C11orf87: variants seen among roughly 807,000 people sequenced by gnomAD.
The protein encoded by C11orf87 is uncharacterized protein C11orf87.
In C11orf87, 3 loss-of-function variants were observed where a neutral mutation model predicts 9.2. The observed-to-expected ratio is 0.33, with a 90% CI of 0.15 to 0.84. The LOEUF (loss-of-function observed/expected upper bound fraction) is 0.84, where lower values mean the gene tolerates loss of function less well. Among genes scored for constraint, C11orf87 ranks in the 40% least tolerant of loss-of-function variants. C11orf87 has a pLI of 0.55. For synonymous variants in C11orf87, 124 were observed against 124.6 expected, an observed-to-expected ratio of 1.00 and a Z score of 0.03; for missense variants, 256 against 270.7, an observed-to-expected ratio of 0.95 and a Z score of 0.38.
rs1156467832 is a variant in C11orf87, at chr11:109,429,082, G to A, written c.*4855G>A. The A allele has an allele frequency of 1.3e-5, 2 of 152,080 alleles. No homozygotes were observed. Among genetic ancestry groups the A allele is most frequent in the East Asian group, 3.8e-4 (2 of 5,200 alleles). The allele number at this position is 152,080 out of a possible 1,614,324, so 9.4% of individuals were successfully genotyped here. On this transcript the variant is annotated 3_prime_UTR_variant, in exon 2 of 2. Coordinates refer to ENST00000327419, the MANE Select transcript of C11orf87 (RefSeq NM_207645.4). ...TTAGAATTCATGGAAATTTTGTTTT[G>A]CTTTTCTATCAATAAAAGAGTTTTC...
Position 109,423,209 on chromosome 11 carries a change from T to G in C11orf87, c.-259-166T>G, listed in dbSNP as rs972185477. 5.3e-5 allele frequency among the ~76,000 whole-genome samples: 8 copies of G among 152,178 alleles called. No individual in the cohort carries two copies. The highest frequency in any genetic ancestry group is 1.2e-4 in the Non-Finnish European group (8 of 68,020). The stretch of plus-strand genomic sequence containing the variant: ...ATGAGCAGGCTGCTGGTGGCTCTGG[T>G]GCACGGCCACGGGCCGGCAGGCTGG... On this transcript the variant is annotated intron_variant, in intron 1 of 1. Coordinates refer to ENST00000327419, the MANE Select transcript of C11orf87 (RefSeq NM_207645.4). The surrounding 1 kb of genome is among the most constrained non-coding windows in gnomAD (Gnocchi z 5.3).
In C11orf87 at chr11:109,424,057, G is replaced by A. The variant is rs199870805; in HGVS notation, c.424G>A (p.Ala142Thr). 6.2e-7 allele frequency: 1 copy of A among 1,613,840 alleles called. No homozygotes were observed. Among genetic ancestry groups the A allele is most frequent in the Admixed American group, 1.7e-5 (1 of 60,032 alleles). ...ERQPRDSPFC[A>T]PSNASSLSSS... ...GCAGCCCCGGGACTCTCCCTTCTGC[G>A]CCCCTTCCAACGCCTCGTCGTTGTC... The change falls in exon 2 of 2, where the codon GCC becomes ACC. Residue 142 changes from alanine to threonine, a missense_variant. By Grantham distance (58) the Ala-to-Thr change is moderately conservative (BLOSUM62 0). Coordinates refer to ENST00000327419, the MANE Select transcript of C11orf87 (RefSeq NM_207645.4). The surrounding 1 kb of genome is among the most constrained non-coding windows in gnomAD (Gnocchi z 4.7).
At position 109,423,540 on chromosome 11, in the gene C11orf87, G is replaced by T. The variant is rs984992105; in HGVS notation, c.-94G>T. 1.2e-5 allele frequency: 16 copies of T among 1,297,158 alleles called. No individual in the cohort carries two copies. Among genetic ancestry groups the T allele is most frequent in the Admixed American group, 5.5e-5 (2 of 36,316 alleles). 80.4% of individuals were successfully genotyped at this position (1,297,158 alleles called of 1,614,324 possible). A position where few individuals can be genotyped will look rare whatever the true frequency, so the allele number is the denominator to read the frequency against. ...CCCTCCCGCTACAGGGAGCAGTTTT[G>T]GGTGGCGTGGGCTCCGTCCTCTTCT... On this transcript the variant is annotated 5_prime_UTR_variant, in exon 2 of 2. Transcript: ENST00000327419. The surrounding 1 kb of genome is among the most constrained non-coding windows in gnomAD (Gnocchi z 5.3).
At position 109,423,375 on chromosome 11, in the gene C11orf87, C is replaced by G. The variant is rs1860521124; in HGVS notation, c.-259C>G. On this transcript the variant is annotated splice_region_variant and 5_prime_UTR_variant, in exon 2 of 2. Coordinates refer to ENST00000327419, the MANE Select transcript of C11orf87 (RefSeq NM_207645.4). This position sits in a 1 kb window ranked among gnomAD's most constrained non-coding sequence, Gnocchi z 5.3. ...CTAACTAAGCTTTGTGTCTTTGCAGCCTGGTGCCTCTGCAAAGGAAAGGGG... is the reference window on the plus strand; with the variant it reads ...CTAACTAAGCTTTGTGTCTTTGCAGGCTGGTGCCTCTGCAAAGGAAAGGGG... 2 of 556,270 alleles carry G rather than the reference C, an allele frequency of 3.6e-6. No homozygotes were observed. Among genetic ancestry groups the G allele is most frequent in the Admixed American group, 3.5e-5 (1 of 28,578 alleles). The allele number at this position is 556,270 out of a possible 1,614,324, so 34.5% of individuals were successfully genotyped here.
chr11:109,428,662 C>T lies in C11orf87; in HGVS notation c.*4435C>T, dbSNP rs1030191688. On this transcript the variant is annotated 3_prime_UTR_variant, in exon 2 of 2. Transcript: ENST00000327419. ...TTGTGATTGTAACTCACAGATGTTT[C>T]AGTTCATATTAGAATAAATTGCCCA... 1.3e-5 allele frequency: 2 copies of T among 152,124 alleles called. No individual in the cohort carries two copies. Among genetic ancestry groups the T allele is most frequent in the Non-Finnish European group, 2.9e-5 (2 of 67,996 alleles). The allele number at this position is 152,124 out of a possible 1,614,324, so 9.4% of individuals were successfully genotyped here. A position where few individuals can be genotyped will look rare whatever the true frequency, so the allele number is the denominator to read the frequency against.
In C11orf87 at chr11:109,423,189, C is replaced by A. The variant is rs1055229091; in HGVS notation, c.-259-186C>A. ...ACCCCATCCTGTCGAGTGGCATGAGCAGGCTGCTGGTGGCTCTGGTGCACG... is the reference window on the plus strand; with the variant it reads ...ACCCCATCCTGTCGAGTGGCATGAGAAGGCTGCTGGTGGCTCTGGTGCACG... On this transcript the variant is annotated intron_variant, in intron 1 of 1. Coordinates refer to ENST00000327419, the MANE Select transcript of C11orf87 (RefSeq NM_207645.4). This position sits in a 1 kb window ranked among gnomAD's most constrained non-coding sequence, Gnocchi z 5.3. Among the ~76,000 whole-genome samples the A allele has an allele frequency of 6.6e-6, 1 of 152,202 alleles. No individual in the cohort carries two copies. Among genetic ancestry groups the A allele is most frequent in the East Asian group, 1.9e-4 (1 of 5,180 alleles).
rs779890093 is a variant in C11orf87 at position 109,424,077 on chromosome 11, G to T, written c.444G>T (p.Ser148=). Reference sequence around the variant, plus strand: ...TCTGCGCCCCTTCCAACGCCTCGTCGTTGTCCTCTTCGTCCCCTGGCCTCC... The same window carrying T: ...TCTGCGCCCCTTCCAACGCCTCGTCTTTGTCCTCTTCGTCCCCTGGCCTCC... ...SPFCAPSNAS[S]LSSSSPGLPC... Residue 148 remains serine, a synonymous_variant, in exon 2 of 2, where the codon TCG becomes TCT. Coordinates refer to ENST00000327419, the MANE Select transcript of C11orf87 (RefSeq NM_207645.4). The surrounding 1 kb of genome is among the most constrained non-coding windows in gnomAD (Gnocchi z 4.7). 11 of 1,613,876 alleles carry T rather than the reference G, an allele frequency of 6.8e-6. No homozygotes were observed. Among genetic ancestry groups the T allele is most frequent in the Non-Finnish European group, 6.8e-6 (8 of 1,180,006 alleles).
In C11orf87 at chr11:109,423,371, G is replaced by A. The variant is rs1860521086; in HGVS notation, c.-259-4G>A. 1 of 548,252 alleles carries A rather than the reference G, an allele frequency of 1.8e-6. No homozygotes were observed. The allele number at this position is 548,252 out of a possible 1,614,324, so 34.0% of individuals were successfully genotyped here. A position where few individuals can be genotyped will look rare whatever the true frequency, so the allele number is the denominator to read the frequency against. On this transcript the variant is annotated splice_polypyrimidine_tract_variant and splice_region_variant and intron_variant, in intron 1 of 1. Coordinates refer to ENST00000327419, the MANE Select transcript of C11orf87 (RefSeq NM_207645.4). This position sits in a 1 kb window ranked among gnomAD's most constrained non-coding sequence, Gnocchi z 5.3. ...GATTCTAACTAAGCTTTGTGTCTTT[G>A]CAGCCTGGTGCCTCTGCAAAGGAAA...
Position 109,423,023 on chromosome 11 carries a change from A to G in C11orf87, c.-259-352A>G, listed in dbSNP as rs1173045946. On this transcript the variant is annotated intron_variant, in intron 1 of 1. Transcript: ENST00000327419. This position sits in a 1 kb window ranked among gnomAD's most constrained non-coding sequence, Gnocchi z 5.3. ...GAAGACATCAACCGAGAGGGCGCAG[A>G]AAAGAGGAGAGCCGGCGCTCTGGGA... Among the ~76,000 whole-genome samples the G allele has an allele frequency of 1.3e-5, 2 of 152,074 alleles. No individual in the cohort carries two copies. Among genetic ancestry groups the G allele is most frequent in the Non-Finnish European group, 2.9e-5 (2 of 68,002 alleles).
chr11:109,423,320 A>T lies in C11orf87; in HGVS notation c.-259-55A>T. On this transcript the variant is annotated intron_variant, in intron 1 of 1. Transcript: ENST00000327419. This position sits in a 1 kb window ranked among gnomAD's most constrained non-coding sequence, Gnocchi z 5.3. Reference sequence around the variant, plus strand: ...TTGCGGTGGTGGTTGATCTTTCCCGACAGCACTCCCCTGGGCAGCGGCCGA... The same window carrying T: ...TTGCGGTGGTGGTTGATCTTTCCCGTCAGCACTCCCCTGGGCAGCGGCCGA... 1 of 429,126 alleles carries T rather than the reference A, an allele frequency of 2.3e-6. No individual in the cohort carries two copies. Among genetic ancestry groups the T allele is most frequent in the Non-Finnish European group, 4.2e-6 (1 of 240,228 alleles). The allele number at this position is 429,126 out of a possible 1,614,324, so 26.6% of individuals were successfully genotyped here. A position where few individuals can be genotyped will look rare whatever the true frequency, so the allele number is the denominator to read the frequency against.
intron 1 of C11orf87, among the ~76,000 whole-genome samples, chr11:109,422,946 C>T (rs1323021414): frequency 6.6e-6 from 1 of 151,634 alleles, no homozygotes. Flanking sequence ...ACTGCGTACC[C>T]GGAGCCCGCG....
In C11orf87 at chr11:109,426,615, G is replaced by C. The variant is rs1860575714; in HGVS notation, c.*2388G>C. Reference sequence around the variant, plus strand: ...TCACTTCCTAGTAATAGGTAAAAGAGTGCATTAACTCCCTCAGGCCACTAG... The same window carrying C: ...TCACTTCCTAGTAATAGGTAAAAGACTGCATTAACTCCCTCAGGCCACTAG... On this transcript the variant is annotated 3_prime_UTR_variant, in exon 2 of 2. Transcript: ENST00000327419. The C allele has an allele frequency of 6.6e-6, 1 of 152,162 alleles. No individual in the cohort carries two copies. Among genetic ancestry groups the C allele is most frequent in the Non-Finnish European group, 1.5e-5 (1 of 68,042 alleles). The allele number at this position is 152,162 out of a possible 1,614,324, so 9.4% of individuals were successfully genotyped here.
Position 109,423,035 on chromosome 11 carries a change from C to T in C11orf87, c.-259-340C>T, listed in dbSNP as rs367552834. Among the ~76,000 whole-genome samples, 1 of 152,046 alleles carries T rather than the reference C, an allele frequency of 6.6e-6. No homozygotes were observed. Among genetic ancestry groups the T allele is most frequent in the African/African-American group, 2.4e-5 (1 of 41,404 alleles). On this transcript the variant is annotated intron_variant, in intron 1 of 1. Coordinates refer to ENST00000327419, the MANE Select transcript of C11orf87 (RefSeq NM_207645.4). This position sits in a 1 kb window ranked among gnomAD's most constrained non-coding sequence, Gnocchi z 5.3. The stretch of plus-strand genomic sequence containing the variant: ...CGAGAGGGCGCAGAAAAGAGGAGAG[C>T]CGGCGCTCTGGGAAGTAGGGACTTC...
At position 109,426,238 on chromosome 11, in the gene C11orf87, G is replaced by C. The variant is rs559764380; in HGVS notation, c.*2011G>C. 2 of 152,292 alleles carry C rather than the reference G, an allele frequency of 1.3e-5. No individual in the cohort carries two copies. The highest frequency in any genetic ancestry group is 1.9e-4 in the East Asian group (1 of 5,172). 9.4% of individuals were successfully genotyped at this position (152,292 alleles called of 1,614,324 possible). A position where few individuals can be genotyped will look rare whatever the true frequency, so the allele number is the denominator to read the frequency against. The stretch of plus-strand genomic sequence containing the variant: ...AGTGATCTGCAAAAAGCTCTACCAA[G>C]AGAGTCCTTACTATCCTGCAGGGTG... On this transcript the variant is annotated 3_prime_UTR_variant, in exon 2 of 2. Transcript: ENST00000327419.
At chr11:109,422,653 G>A (rs911673356) in intron 1 of C11orf87, among the ~76,000 whole-genome samples, 1 of 151,986 alleles carries the variant, frequency 6.6e-6, no homozygotes, top group Non-Finnish European at 1.5e-5. Context: ...GCCAAGTTGG[G>A]GGCACAGGGA....
Position 109,424,019 on chromosome 11 carries a change from C to T in C11orf87, c.386C>T (p.Thr129Ile). The T allele has an allele frequency of 6.2e-7, 1 of 1,614,012 alleles. No homozygotes were observed. Among genetic ancestry groups the T allele is most frequent in the Non-Finnish European group, 8.5e-7 (1 of 1,179,996 alleles). ...GRQAPTHAKE[T>I]RLERQPRDSP... ...CAGGCCCCAACCCACGCAAAGGAAACCCGGCTGGAGAGGCAGCCCCGGGAC... is the reference window on the plus strand; with the variant it reads ...CAGGCCCCAACCCACGCAAAGGAAATCCGGCTGGAGAGGCAGCCCCGGGAC... The change falls in exon 2 of 2, where the codon ACC becomes ATC. Residue 129 changes from threonine (T) to isoleucine (I), a missense_variant. Coordinates refer to ENST00000327419, the MANE Select transcript of C11orf87 (RefSeq NM_207645.4). This position sits in a 1 kb window ranked among gnomAD's most constrained non-coding sequence, Gnocchi z 4.7.
chr11:109,423,608 G>C lies in C11orf87; in HGVS notation c.-26G>C. ...GTGCCCAAGAGGGGAAGCCTAGTGG[G>C]CCTGGCCCCTCCCAGCCCCGCGCCA... is the stretch of plus-strand genomic sequence containing the variant. On this transcript the variant is annotated 5_prime_UTR_variant, in exon 2 of 2. Transcript: ENST00000327419. This position sits in a 1 kb window ranked among gnomAD's most constrained non-coding sequence, Gnocchi z 5.3. The C allele has an allele frequency of 6.4e-7, 1 of 1,569,082 alleles. No individual in the cohort carries two copies. The highest frequency in any genetic ancestry group is 1.4e-5 in the African/African-American group (1 of 74,002).
Position 109,423,440 on chromosome 11 carries a change from C to T in C11orf87, c.-194C>T. 2 of 597,082 alleles carry T rather than the reference C, an allele frequency of 3.3e-6. No individual in the cohort carries two copies. The highest frequency in any genetic ancestry group is 6.1e-5 in the Admixed American group (2 of 32,532). The allele number at this position is 597,082 out of a possible 1,614,324, so 37.0% of individuals were successfully genotyped here. ...TTCGAGGTGGTATCGGCGAGGATCT[C>T]TCGGGCGCCGCTCACTCCTTGGTCG... On this transcript the variant is annotated 5_prime_UTR_variant, in exon 2 of 2. Transcript: ENST00000327419. This position sits in a 1 kb window ranked among gnomAD's most constrained non-coding sequence, Gnocchi z 5.3.
rs1355316437 is a variant in C11orf87 at position 109,428,444 on chromosome 11, A to G, written c.*4217A>G. On this transcript the variant is annotated 3_prime_UTR_variant, in exon 2 of 2. Coordinates refer to ENST00000327419, the MANE Select transcript of C11orf87 (RefSeq NM_207645.4). ...ATTTTTATTTTTTTATCATGTAGAC[A>G]TATGCTTTCATGCTTTTCTGTGGGT... 4 of 149,636 alleles carry G rather than the reference A, an allele frequency of 2.7e-5. No homozygotes were observed. Among genetic ancestry groups the G allele is most frequent in the Admixed American group, 2.6e-4 (4 of 15,206 alleles). The allele number at this position is 149,636 out of a possible 1,614,324, so 9.3% of individuals were successfully genotyped here. A position where few individuals can be genotyped will look rare whatever the true frequency, so the allele number is the denominator to read the frequency against.
Sources: gnomAD v4.1 joint callset for allele counts (sites outside exome capture counted in the v4.1 genomes callset) on GRCh38, gnomAD v4.1.1 for gene constraint, Gnocchi (gnomAD v3.1) non-coding constraint, MANE v1.5 for transcripts, NCBI Gene and HGNC (gene_info 2026-07-23, HGNC 2026-07-21) for gene names.